SGPP2: variants seen among roughly 807,000 people sequenced by gnomAD.
SGPP2 encodes the protein sphingosine 1-phosphate phosphohydrolase 2.
A neutral mutation model predicts 33.9 loss-of-function variants in SGPP2; 30 were observed. The ratio of observed to expected loss-of-function variants is 0.89; its 90% CI spans 0.66 to 1.20. The LOEUF is 1.20. Ranked by LOEUF, SGPP2 falls within the 50% of genes most tolerant of loss-of-function variation. The pLI is 0.00. For synonymous variants in SGPP2, 233 were observed against 225.0 expected, an observed-to-expected ratio of 1.04 and a Z score of -0.32; for missense variants, 458 against 532.1, an observed-to-expected ratio of 0.86 and a Z score of 1.37.
In SGPP2 at chr2:222,462,004, C is replaced by T. The variant is rs576517848; in HGVS notation, c.220-12564C>T. ...AGGGGACTGTCCCTCTGCCTCAGCA[C>T]AGCGACCGTCATGAGTCATGCCTGT... On this transcript the variant is annotated intron_variant, in intron 1 of 4. Transcript: ENST00000321276. Among the ~76,000 whole-genome samples, 12 of 152,278 alleles carry T rather than the reference C, an allele frequency of 7.9e-5. No homozygotes were observed. The South Asian group carries it at 2.5e-3, about 32-fold the overall frequency.
Position 222,424,834 on chromosome 2 carries a change from A to G in SGPP2, c.219+13A>G, listed in dbSNP as rs1337997657. On this transcript the variant is annotated intron_variant, in intron 1 of 4. Transcript: ENST00000321276. ...CGCGGCGCCGGAGGTAACCATGGGC[A>G]GGTGTTCGCCGGGTACGGGGAGGGG... 3 of 1,340,538 alleles carry G rather than the reference A, an allele frequency of 2.2e-6. No homozygotes were observed. The East Asian group carries it at 9.4e-5, about 42-fold the overall frequency. 83.0% of individuals were successfully genotyped at this position (1,340,538 alleles called of 1,614,324 possible).
chr2:222,541,997 C>T (rs1699005687), intron 4 of SGPP2, among the ~76,000 whole-genome samples: 1 of 152,124 alleles, frequency 6.6e-6, no homozygotes, highest in Non-Finnish European at 1.5e-5. Context: ...GGTTAATTTC[C>T]AATAAAGTAA....
In SGPP2 at chr2:222,424,725, C is replaced by A. The variant is rs1442592524; in HGVS notation, c.123C>A (p.Arg41=). The A allele has an allele frequency of 1.4e-6, 2 of 1,436,790 alleles. No homozygotes were observed. The highest frequency in any genetic ancestry group is 1.4e-5 in the South Asian group (1 of 72,908). 89.0% of individuals were successfully genotyped at this position (1,436,790 alleles called of 1,614,324 possible). ...PRENGADPTE[R]AARVPGVEHL... ...AGAACGGCGCGGACCCCACGGAGCGCGCGGCGCGGGTCCCCGGGGTCGAGC... is the reference window on the plus strand; with the variant it reads ...AGAACGGCGCGGACCCCACGGAGCGAGCGGCGCGGGTCCCCGGGGTCGAGC... Residue 41 remains arginine, a synonymous_variant, in exon 1 of 5, where the codon CGC becomes CGA. Transcript: ENST00000321276.
chr2:222,442,458 T>C (rs1391034782), intron 1 of SGPP2, among the ~76,000 whole-genome samples: 1 of 152,222 alleles, frequency 6.6e-6, no homozygotes, highest in African/African-American at 2.4e-5. Flanking sequence ...CTGGTGTGTT[T>C]TAAAAGTATC....
chr2:222,509,575 A>C (rs1459089921), intron 2 of SGPP2, among the ~76,000 whole-genome samples: 1 of 152,230 alleles, frequency 6.6e-6, no homozygotes, highest in Admixed American at 6.5e-5. Context: ...GTGGACGGGC[A>C]GAATTGAACA....
intron 2 of SGPP2, among the ~76,000 whole-genome samples, chr2:222,517,035 A>G (rs1013064142): frequency 5.9e-5 from 9 of 152,246 alleles, no homozygotes; most frequent in East Asian, 3.9e-4. Context: ...AGGAGCTCCC[A>G]CTACCTATTA....
At chr2:222,435,825 C>T (rs1241701148) in intron 1 of SGPP2, among the ~76,000 whole-genome samples, 3 of 152,204 alleles carry the variant, frequency 2.0e-5, no homozygotes, top group East Asian at 3.9e-4. Context: ...GTCATGTGGT[C>T]GTAGCTGGTA....
chr2:222,493,267 C>T (rs1232657605), intron 2 of SGPP2, among the ~76,000 whole-genome samples: 1 of 152,200 alleles, frequency 6.6e-6, no homozygotes, highest in East Asian at 1.9e-4. Flanking sequence ...CCCCAGGAAA[C>T]TCACAATTAT....
chr2:222,442,635 T>G (rs1458111270), intron 1 of SGPP2, among the ~76,000 whole-genome samples: 1 of 152,222 alleles, frequency 6.6e-6, no homozygotes, highest in African/African-American at 2.4e-5. Flanking sequence ...ATAAAATACC[T>G]AGTCCCCTAG....
intron 1 of SGPP2, among the ~76,000 whole-genome samples, chr2:222,453,536 C>T (rs1574838548): frequency 6.6e-6 from 1 of 152,130 alleles, no homozygotes; most frequent in Middle Eastern, 3.4e-3. Context: ...AAAACCAACC[C>T]CTCCTTTTCC....
At chr2:222,543,357 A>G (rs10932959) in intron 4 of SGPP2, among the ~76,000 whole-genome samples, 92,792 of 152,082 alleles carry the variant, frequency 0.61, 28,800 homozygotes, top group South Asian at 0.73. Context: ...GACTTTATGC[A>G]TACAGTCGTT....
At position 222,424,769 on chromosome 2, in the gene SGPP2, G is replaced by A. The variant is rs1216640665; in HGVS notation, c.167G>A (p.Gly56Asp). The A allele has an allele frequency of 3.6e-6, 5 of 1,403,366 alleles. No individual in the cohort carries two copies. In the East Asian group the frequency reaches 1.5e-4, roughly 43 times the overall value. 86.9% of individuals were successfully genotyped at this position (1,403,366 alleles called of 1,614,324 possible). A position where few individuals can be genotyped will look rare whatever the true frequency, so the allele number is the denominator to read the frequency against. Reference protein sequence around the residue: ...PGVEHLPAANGKGGEAPANGL... With the variant: ...PGVEHLPAANDKGGEAPANGL... ...GTCGAGCATCTCCCCGCAGCCAACG[G>A]CAAGGGCGGCGAGGCTCCGGCCAAC... The change falls in exon 1 of 5, where the codon GGC becomes GAC. Residue 56 changes from glycine (G) to aspartate (D), a missense_variant. Gly to Asp is a moderately conservative substitution (Grantham distance 94, BLOSUM62 -1). Coordinates refer to ENST00000321276, the MANE Select transcript of SGPP2 (RefSeq NM_152386.4).
At chr2:222,543,910 T>C (rs1283228445) in intron 4 of SGPP2, among the ~76,000 whole-genome samples, 2 of 152,234 alleles carry the variant, frequency 1.3e-5, no homozygotes, top group African/African-American at 4.8e-5. Context: ...ATCTATAGAT[T>C]AATTTGAGAG....
At chr2:222,456,362 C>A (rs1697574361) in intron 1 of SGPP2, among the ~76,000 whole-genome samples, 1 of 152,164 alleles carries the variant, frequency 6.6e-6, no homozygotes, top group East Asian at 1.9e-4. Context: ...GAGCCACTAG[C>A]CTCACGTGGC....
chr2:222,517,513 A>G (rs1698623149), intron 2 of SGPP2, among the ~76,000 whole-genome samples: 2 of 152,202 alleles, frequency 1.3e-5, no homozygotes, highest in Admixed American at 6.5e-5. Context: ...TCACCACTCA[A>G]TAAAACCCCT....
In SGPP2 at chr2:222,558,837, C is replaced by G. The variant is rs369270404; in HGVS notation, c.1139C>G (p.Ser380Cys). Residue 380 changes from serine (S) to cysteine (C), a missense_variant, in exon 5 of 5, where the codon TCT (serine) becomes TGT (cysteine). Transcript: ENST00000321276. ...CCTTACAAGTTTGTTACCTACACAT[C>G]TGTTGGCATCTGCGCTACAACCTTT... ...EVPYKFVTYT[S>C]VGICATTFVP... The G allele has an allele frequency of 1.9e-6, 3 of 1,614,008 alleles. No individual in the cohort carries two copies. Among genetic ancestry groups the G allele is most frequent in the Non-Finnish European group, 2.5e-6 (3 of 1,179,984 alleles).
intron 1 of SGPP2, among the ~76,000 whole-genome samples, chr2:222,466,253 C>CTTTTTTT (rs34005867): frequency 1.9e-5 from 2 of 104,702 alleles, no homozygotes; most frequent in African/African-American, 3.7e-5. Context: ...CTGTTTTCAA[C>CTTTTTTT]TTTTTTTTTT....
rs567336389 is a variant in SGPP2 at position 222,477,111 on chromosome 2, GTATA to G, written c.378+2389_378+2392del. ...TTTGTGAATGTATGTATATAGGTGT[GTATA>G]TATGTGTATGTGTGTGTATATAGGT... On this transcript the variant is annotated intron_variant, in intron 2 of 4. Transcript: ENST00000321276. This position sits in a 1 kb window ranked among gnomAD's most constrained non-coding sequence, Gnocchi z 6.0. Among the ~76,000 whole-genome samples the G allele has an allele frequency of 1.9e-4, 29 of 151,512 alleles. No individual in the cohort carries two copies. Among genetic ancestry groups the G allele is most frequent in the African/African-American group, 6.8e-4 (28 of 41,282 alleles).
intron 1 of SGPP2, among the ~76,000 whole-genome samples, chr2:222,468,118 G>A (rs751464234): frequency 2.0e-5 from 3 of 152,066 alleles, no homozygotes; most frequent in Non-Finnish European, 4.4e-5. Flanking sequence ...GATGATATCT[G>A]GCGTCTGGAA....
Sources: allele counts gnomAD v4.1 joint callset (sites outside exome capture counted in the v4.1 genomes callset), GRCh38; gene constraint gnomAD v4.1.1; non-coding constraint Gnocchi (gnomAD v3.1); transcripts MANE v1.5; gene names NCBI Gene and HGNC (gene_info 2026-07-23, HGNC 2026-07-21).